Variants in CNDP2 observed in about 807,000 individuals in gnomAD.
CNDP2 encodes the protein cytosolic non-specific dipeptidase.
In CNDP2, 38 loss-of-function variants were observed where a neutral mutation model predicts 55.0. That is an observed-to-expected ratio of 0.69 (90% CI 0.53 to 0.90). The LOEUF (loss-of-function observed/expected upper bound fraction) is 0.90, where lower values mean the gene tolerates loss of function less well. Among genes scored for constraint, CNDP2 ranks in the 40% least tolerant of loss-of-function variants. The probability of loss-of-function intolerance (pLI) is 0.00; values close to 1 mark genes in which losing one functional copy is unlikely to be tolerated. For missense variants in CNDP2, 607 were observed against 621.7 expected (o/e 0.98, Z 0.25); for synonymous variants, 241 against 260.2 (o/e 0.93, Z 0.71).
In CNDP2 at chr18:74,508,782, C is replaced by T. The variant is rs937628314; in HGVS notation, c.368-58C>T. On this transcript the variant is annotated intron_variant, in intron 4 of 11. Transcript: ENST00000324262. ...GGTTATCAGATGTGCACCTGAGACACGCTGCTTCTGGGTTCCTTGTAATCA... is the reference window on the plus strand; with the variant it reads ...GGTTATCAGATGTGCACCTGAGACATGCTGCTTCTGGGTTCCTTGTAATCA... The T allele has an allele frequency of 3.5e-5, 50 of 1,430,370 alleles. No homozygotes were observed. The Admixed American group carries it at 7.2e-4, about 21-fold the overall frequency. The allele number at this position is 1,430,370 out of a possible 1,614,324, so 88.6% of individuals were successfully genotyped here.
At position 74,505,844 on chromosome 18, in the gene CNDP2, C is replaced by T. The variant is rs373294716; in HGVS notation, c.205-5C>T. ...GTCCTTGGTTCCTTTCCTCTCCATG[C>T]TCAGCTCCCTGATGGCTCGGAGATC... is the stretch of plus-strand genomic sequence containing the variant. On this transcript the variant is annotated splice_region_variant and splice_polypyrimidine_tract_variant and intron_variant, in intron 3 of 11. Coordinates refer to ENST00000324262, the MANE Select transcript of CNDP2 (RefSeq NM_018235.3). 6.2e-7 allele frequency: 1 copy of T among 1,612,868 alleles called. No homozygotes were observed. Among genetic ancestry groups the T allele is most frequent in the Non-Finnish European group, 8.5e-7 (1 of 1,179,554 alleles).
At chr18:74,513,748 T>C in intron 8 of CNDP2, 29 bp downstream of exon 8, 4 of 1,605,536 alleles carry the variant, frequency 2.5e-6, no homozygotes, top group Non-Finnish European at 3.4e-6. Flanking sequence ...CTCTGCCACC[T>C]GCCCAGGCCA....
At chr18:74,498,523 T>G (rs1290108412) in intron 1 of CNDP2, among the ~76,000 whole-genome samples, 2 of 152,172 alleles carry the variant, frequency 1.3e-5, no homozygotes, top group African/African-American at 4.8e-5. Context: ...GAGAATAATA[T>G]TAATGAGAAT....
At chr18:74,514,479 ATGGATGTAAGTT>A (rs879642978) in intron 8 of CNDP2, among the ~76,000 whole-genome samples, 1,707 of 149,250 alleles carry the variant, frequency 0.011, 33 homozygotes, top group Non-Finnish European at 0.018. Context: ...TTTATGTGGT[ATGGATGTAAGTT>A]CTGCAGCCTG....
At chr18:74,505,687 C>T (rs1978972079) in intron 3 of CNDP2, among the ~76,000 whole-genome samples, 162 bp from the exon 4 acceptor site, 1 of 152,070 alleles carries the variant, frequency 6.6e-6, no homozygotes, top group Non-Finnish European at 1.5e-5. Flanking sequence ...GAAAGTAAAT[C>T]TTAATTAGTG....
At position 74,522,229 on chromosome 18, in the gene CNDP2, G is replaced by A. The variant is rs140613163; in HGVS notation, c.*2161G>A. 6.7e-6 allele frequency: 1 copy of A among 150,324 alleles called. No homozygotes were observed. The highest frequency in any genetic ancestry group is 1.5e-5 in the Non-Finnish European group (1 of 66,690). 9.3% of individuals were successfully genotyped at this position (150,324 alleles called of 1,614,324 possible). On this transcript the variant is annotated 3_prime_UTR_variant, in exon 12 of 12. Transcript: ENST00000324262. ...AACAAAAAAAGAAGACAAGGGTAGC[G>A]GCTTCAGGTACAGCTGGACCCAGCA... is the stretch of plus-strand genomic sequence containing the variant.
chr18:74,501,094 T>G (rs1365558138), intron 2 of CNDP2: 4 of 949,240 alleles, frequency 4.2e-6, no homozygotes, highest in Non-Finnish European at 5.3e-6. Flanking sequence ...TTGTTTGTTT[T>G]TAAACAGGTA....
Position 74,518,217 on chromosome 18 carries a change from A to C in CNDP2, c.1069-282A>C, listed in dbSNP as rs34258094. The C allele has an allele frequency of 3.1e-3, 671 of 219,474 alleles. 1 individual carries two copies. The highest frequency in any genetic ancestry group is 0.014 in the African/African-American group (594 of 43,892). The allele number at this position is 219,474 out of a possible 1,614,324, so 13.6% of individuals were successfully genotyped here. A position where few individuals can be genotyped will look rare whatever the true frequency, so the allele number is the denominator to read the frequency against. The stretch of plus-strand genomic sequence containing the variant: ...GCGGAGCTTGCAGTGAGCCGAGATC[A>C]CGCCACTGTGCTCCAGCCTGGACAA... On this transcript the variant is annotated intron_variant, in intron 9 of 11. Coordinates refer to ENST00000324262, the MANE Select transcript of CNDP2 (RefSeq NM_018235.3).
chr18:74,513,064 C>T (rs1293753677), intron 7 of CNDP2, among the ~76,000 whole-genome samples: 5 of 152,190 alleles, frequency 3.3e-5, no homozygotes, highest in East Asian at 1.9e-4. Context: ...CAGCTGCCTG[C>T]GTGACGTCCA....
chr18:74,518,360 G>A (rs1173395421), intron 9 of CNDP2, 139 bp from the exon 10 acceptor site: 11 of 818,610 alleles, frequency 1.3e-5, no homozygotes, highest in Non-Finnish European at 2.2e-5. Context: ...CGTAGACTCA[G>A]CATAGACCCA....
intron 1 of CNDP2, among the ~76,000 whole-genome samples, chr18:74,496,659 G>A (rs1223778199): frequency 6.6e-6 from 1 of 152,270 alleles, no homozygotes; most frequent in African/African-American, 2.4e-5. Flanking sequence ...GCACCTCCGG[G>A]CCACTCGTGT....
intron 3 of CNDP2, among the ~76,000 whole-genome samples, chr18:74,503,124 T>C (rs4891558): frequency 0.16 from 23,795 of 150,872 alleles, 2,279 homozygotes; most frequent in East Asian, 0.28. Context: ...GTAAATCATT[T>C]TTAGGAGTTG....
chr18:74,506,750 G>A (rs888416346), intron 4 of CNDP2, among the ~76,000 whole-genome samples: 11 of 152,200 alleles, frequency 7.2e-5, no homozygotes, highest in South Asian at 6.2e-4. Flanking sequence ...AAGTGCTTCC[G>A]TGGGCCTGGC....
chr18:74,500,655 C>T (rs1978639475), intron 2 of CNDP2, among the ~76,000 whole-genome samples: 1 of 152,186 alleles, frequency 6.6e-6, no homozygotes, highest in Non-Finnish European at 1.5e-5. Context: ...GTTCTTGGTA[C>T]AGGGTTAGTA....
At chr18:74,508,813 TTA>T (rs1979177278) in intron 4 of CNDP2, 25 bp from the exon 5 acceptor site, 1 of 1,597,398 alleles carries the variant, frequency 6.3e-7, no homozygotes, top group South Asian at 1.1e-5. Context: ...AATCATCACT[TTA>T]TGAATTTGTG....
intron 1 of CNDP2, among the ~76,000 whole-genome samples, chr18:74,498,184 C>T (rs1437559779): frequency 2.0e-5 from 3 of 152,078 alleles, no homozygotes; most frequent in Admixed American, 2.0e-4. Context: ...CAAGAAAATG[C>T]ATTGTTAGGC....
chr18:74,499,981 C>T lies in CNDP2; in HGVS notation c.8C>T (p.Ala3Val), dbSNP rs1382072097. Residue 3 changes from alanine (A) to valine (V), a missense_variant, in exon 2 of 12, where the codon GCC becomes GTC. By Grantham distance (64) the Ala-to-Val change is moderately conservative. Transcript: ENST00000324262. Reference sequence around the variant, plus strand: ...CTGGGGTCTGGTTGAAAGATGGCGGCCCTCACTACCCTGTTTAAGTACATA... The same window carrying T: ...CTGGGGTCTGGTTGAAAGATGGCGGTCCTCACTACCCTGTTTAAGTACATA... MA[A>V]LTTLFKYIDE... The T allele has an allele frequency of 6.2e-7, 1 of 1,613,926 alleles. No individual in the cohort carries two copies. Among genetic ancestry groups the T allele is most frequent in the Admixed American group, 1.7e-5 (1 of 59,958 alleles).
rs1979306937 is a variant in CNDP2, at chr18:74,510,855, G to A, written c.499G>A (p.Glu167Lys). ...NVRFCLEGME[E>K]SGSEGLDELI... ...CCGATTCTGCCTCGAAGGCATGGAG[G>A]AGTCAGGCTCTGAGGGCCTAGACGA... Residue 167 changes from glutamate to lysine, a missense_variant, in exon 6 of 12, where the codon GAG (glutamate) becomes AAG (lysine). By Grantham distance (56) the Glu-to-Lys change is moderately conservative. Transcript: ENST00000324262. The A allele has an allele frequency of 1.2e-6, 2 of 1,614,196 alleles. No individual in the cohort carries two copies. Among genetic ancestry groups the A allele is most frequent in the Non-Finnish European group, 1.7e-6 (2 of 1,180,042 alleles).
chr18:74,516,403 C>A lies in CNDP2; in HGVS notation c.1068+11C>A. On this transcript the variant is annotated intron_variant, in intron 9 of 11. Coordinates refer to ENST00000324262, the MANE Select transcript of CNDP2 (RefSeq NM_018235.3). ...GTCGTCGGCGAGCAGGCATGTGGGG[C>A]TGGGACACGGGGTGGGGGCCAAGAG... The A allele has an allele frequency of 1.2e-6, 2 of 1,600,764 alleles. No individual in the cohort carries two copies. The highest frequency in any genetic ancestry group is 1.7e-5 in the Admixed American group (1 of 58,872).
Sources: gnomAD v4.1 joint callset for allele counts (sites outside exome capture counted in the v4.1 genomes callset) on GRCh38, gnomAD v4.1.1 for gene constraint, MANE v1.5 for transcripts, NCBI Gene and HGNC (gene_info 2026-07-23, HGNC 2026-07-21) for gene names.